Variants in ADCY3 observed in about 807,000 individuals in gnomAD.
ADCY3 encodes the protein adenylate cyclase type 3.
Under a neutral mutation model 119.4 loss-of-function variants are expected in ADCY3, and 70 were observed. The observed-to-expected ratio is 0.59, with a 90% CI of 0.48 to 0.72. The LOEUF (loss-of-function observed/expected upper bound fraction) is 0.72, where lower values mean the gene tolerates loss of function less well. Among genes scored for constraint, ADCY3 ranks in the 30% least tolerant of loss-of-function variants. The pLI is 0.00. For synonymous variants in ADCY3, 672 were observed against 621.4 expected, an observed-to-expected ratio of 1.08 and a Z score of -1.21; for missense variants, 1,238 against 1,541.6, an observed-to-expected ratio of 0.80 and a Z score of 3.30.
At chr2:24,885,002 C>T (rs561003765) in intron 2 of ADCY3, among the ~76,000 whole-genome samples, 1 of 152,358 alleles carries the variant, frequency 6.6e-6, no homozygotes, top group Admixed American at 6.5e-5. Flanking sequence ...TTCTTCTTGT[C>T]CTGAGAGACT....
chr2:24,910,492 T>C (rs961911918), intron 2 of ADCY3, among the ~76,000 whole-genome samples: 1 of 152,202 alleles, frequency 6.6e-6, no homozygotes. Context: ...GGTGAATAAA[T>C]GGACATATAC....
intron 19 of ADCY3, 148 bp from the exon 20 acceptor site, chr2:24,821,788 A>T (rs1667761364): frequency 8.3e-7 from 1 of 1,210,504 alleles, no homozygotes; most frequent in Non-Finnish European, 1.1e-6. Context: ...AGTCGCAGCC[A>T]CGCTAGCTCT....
At position 24,897,626 on chromosome 2, in the gene ADCY3, C is replaced by T. The variant is rs115355533; in HGVS notation, c.675+20687G>A. 3.7e-3 allele frequency among the ~76,000 whole-genome samples: 571 copies of T among 152,330 alleles called. 6 individuals carry two copies. Among genetic ancestry groups the T allele is most frequent in the African/African-American group, 0.013 (530 of 41,582 alleles). Reference sequence around the variant, plus strand: ...GATGTCACATGTGGCTGGCTGTTCTCTTCCTCCACCTTCTCATGGGTGATT... The same window carrying T: ...GATGTCACATGTGGCTGGCTGTTCTTTTCCTCCACCTTCTCATGGGTGATT... On this transcript the variant is annotated intron_variant, in intron 2 of 21. Transcript: ENST00000679454.
At chr2:24,851,527 G>A (rs781208794) in intron 3 of ADCY3, among the ~76,000 whole-genome samples, 4 of 152,176 alleles carry the variant, frequency 2.6e-5, no homozygotes, top group East Asian at 3.8e-4. Flanking sequence ...AAGGGTTAGC[G>A]GTAGACCCTG....
chr2:24,870,477 C>T (rs184088875), intron 3 of ADCY3, among the ~76,000 whole-genome samples: 35 of 152,246 alleles, frequency 2.3e-4, no homozygotes, highest in African/African-American at 7.0e-4. Flanking sequence ...TTCTAGGCTC[C>T]GGCTGTGTGC....
chr2:24,839,712 C>T (rs975613222), intron 7 of ADCY3, among the ~76,000 whole-genome samples, 161 bp downstream of exon 7: 1 of 152,194 alleles, frequency 6.6e-6, no homozygotes, highest in African/African-American at 2.4e-5. Flanking sequence ...ACGGCCTTAG[C>T]CAGGGCCAGG....
chr2:24,837,003 G>C lies in ADCY3; in HGVS notation c.1576C>G (p.Pro526Ala), dbSNP rs1572845381. ...GGCTCCTTGGTCTCAATGAGGGCAG[G>C]GGAGCTGGACTTTGAGGAAGCTGGT... is the stretch of plus-strand genomic sequence containing the variant. ...GAPASSKSSS[P>A]ALIETKEPNG... Residue 526 changes from proline (P) to alanine (A), a missense_variant, in exon 9 of 22, where the codon CCT becomes GCT. By Grantham distance (27) the Pro-to-Ala change is conservative. This residue lies in a region of ADCY3 where 499 missense variants were observed against 571.0 expected (regional missense o/e 0.87). Transcript: ENST00000679454. The C allele has an allele frequency of 1.2e-6, 2 of 1,614,114 alleles. No individual in the cohort carries two copies. Among genetic ancestry groups the C allele is most frequent in the East Asian group, 2.2e-5 (1 of 44,880 alleles).
chr2:24,866,564 C>CAAAAAAAAAAAAAAAAAAAAA (rs71397449), intron 3 of ADCY3, among the ~76,000 whole-genome samples: 1 of 46,548 alleles, frequency 2.1e-5, no homozygotes, highest in Non-Finnish European at 3.7e-5. Flanking sequence ...GACCCTGTCT[C>CAAAAAAAAAAAAAAAAAAAAA]AAAAAAAAAA....
At chr2:24,832,339 G>A (rs1417351227) in intron 11 of ADCY3, among the ~76,000 whole-genome samples, 1 of 152,120 alleles carries the variant, frequency 6.6e-6, no homozygotes, top group Non-Finnish European at 1.5e-5. Context: ...TCTTAGGAAT[G>A]CACCCCTGCC....
chr2:24,861,049 G>C (rs1250434827), intron 3 of ADCY3, among the ~76,000 whole-genome samples: 5 of 152,196 alleles, frequency 3.3e-5, no homozygotes, highest in Admixed American at 3.3e-4. Flanking sequence ...TCAGGAGTTT[G>C]AGACCAGCTT....
chr2:24,877,798 G>A (rs1675899008), intron 2 of ADCY3: 1 of 447,044 alleles, frequency 2.2e-6, no homozygotes, highest in Non-Finnish European at 4.6e-6. Flanking sequence ...AGACAGAGAG[G>A]GAAGAGGCTC....
chr2:24,914,000 C>A (rs1219823889), intron 2 of ADCY3, among the ~76,000 whole-genome samples: 1 of 148,532 alleles, frequency 6.7e-6, no homozygotes, highest in Admixed American at 6.7e-5. Flanking sequence ...TCCCCATTGT[C>A]CGCACTCATT....
chr2:24,827,340 C>T (rs1204019921), intron 15 of ADCY3, among the ~76,000 whole-genome samples: 2 of 152,202 alleles, frequency 1.3e-5, no homozygotes, highest in Non-Finnish European at 2.9e-5. Context: ...CAGTTACATG[C>T]AGCTGCCATC....
chr2:24,823,051 G>C (rs1668023345), intron 18 of ADCY3, among the ~76,000 whole-genome samples, 158 bp downstream of exon 18: 1 of 152,158 alleles, frequency 6.6e-6, no homozygotes, highest in African/African-American at 2.4e-5. Flanking sequence ...CCCTTCCCCA[G>C]CCCAGCAGTT....
At position 24,820,708 on chromosome 2, in the gene ADCY3, G is replaced by A; in HGVS notation, c.3252+16C>T. On this transcript the variant is annotated intron_variant, in intron 21 of 21. Coordinates refer to ENST00000679454, the MANE Select transcript of ADCY3 (RefSeq NM_004036.5). ...TGCCGAGTCTGAGCACGTGCCAGCT[G>A]TGCCACTGGACATACCTGAATGTTG... The A allele has an allele frequency of 6.2e-7, 1 of 1,613,748 alleles. No homozygotes were observed. Among genetic ancestry groups the A allele is most frequent in the Non-Finnish European group, 8.5e-7 (1 of 1,179,812 alleles).
intron 21 of ADCY3, chr2:24,820,492 G>T: frequency 3.6e-6 from 5 of 1,400,248 alleles, no homozygotes; most frequent in Non-Finnish European, 4.6e-6. Flanking sequence ...CATACCCAAA[G>T]GTAGGCCATA....
chr2:24,861,941 A>C (rs1286067506), intron 3 of ADCY3, among the ~76,000 whole-genome samples: 1 of 152,232 alleles, frequency 6.6e-6, no homozygotes, highest in Non-Finnish European at 1.5e-5. Flanking sequence ...ACTATCCCCT[A>C]ACAATGGTAT....
chr2:24,820,617 T>TTACTG, intron 21 of ADCY3, 107 bp downstream of exon 21: 8 of 1,544,604 alleles, frequency 5.2e-6, no homozygotes, highest in Non-Finnish European at 7.0e-6. Flanking sequence ...GCCTCTGGAC[T>TTACTG]TACTGTTCAG....
intron 2 of ADCY3, among the ~76,000 whole-genome samples, chr2:24,893,027 G>T (rs1213418329): frequency 3.5e-5 from 5 of 142,980 alleles, no homozygotes; most frequent in Non-Finnish European, 1.5e-5. Context: ...TTTAATCTAT[G>T]TGTCTTTTTT....
Sources: gnomAD v4.1 joint callset for allele counts (sites outside exome capture counted in the v4.1 genomes callset) on GRCh38, gnomAD v4.1.1 for gene constraint, gnomAD v4.1.1 regional missense constraint, MANE v1.5 for transcripts, NCBI Gene and HGNC (gene_info 2026-07-23, HGNC 2026-07-21) for gene names.